GPR161: variants seen among roughly 807,000 people sequenced by gnomAD.
GPR161 encodes the protein G-protein coupled receptor RE2.
GPR161 carries 25 observed loss-of-function variants against 39.2 expected under a neutral mutation model. That is an observed-to-expected ratio of 0.64 (90% CI 0.47 to 0.89). GPR161 has a LOEUF of 0.89. GPR161 is among the 40% of genes least tolerant of loss of function. The pLI is 0.00. For synonymous variants in GPR161, 286 were observed against 276.6 expected (o/e 1.03, Z -0.34); for missense variants, 547 against 677.8 (o/e 0.81, Z 2.14).
chr1:168,104,442 A>C, intron 2 of GPR161, 35 bp downstream of exon 2: 2 of 1,556,000 alleles, frequency 1.3e-6, no homozygotes, highest in Non-Finnish European at 1.8e-6. Context: ...GCCCGTCAGT[A>C]ATCCCTCAAT....
intron 4 of GPR161, chr1:168,088,340 A>G (rs565113758): frequency 2.0e-5 from 3 of 152,434 alleles, no homozygotes; most frequent in Non-Finnish European, 2.9e-5. Context: ...CCCTTCCCCA[A>G]CACTAGGACC....
chr1:168,130,600 A>G (rs1228853010), intron 1 of GPR161, among the ~76,000 whole-genome samples: 1 of 152,158 alleles, frequency 6.6e-6, no homozygotes, highest in African/African-American at 2.4e-5. Flanking sequence ...ATATTCTACC[A>G]CTTGCAAAAG....
At chr1:168,125,732 C>T (rs1698540852) in intron 1 of GPR161, among the ~76,000 whole-genome samples, 1 of 152,000 alleles carries the variant, frequency 6.6e-6, no homozygotes, top group South Asian at 2.1e-4. Context: ...ATTCTCCTGC[C>T]TCAGCCTCCT....
At position 168,136,413 on chromosome 1, in the gene GPR161, G is replaced by A. The variant is rs1433095462; in HGVS notation, c.-45+326C>T. 16 of 1,364,360 alleles carry A rather than the reference G, an allele frequency of 1.2e-5. No individual in the cohort carries two copies. In the East Asian group the frequency reaches 2.8e-4, roughly 23 times the overall value. The allele number at this position is 1,364,360 out of a possible 1,614,324, so 84.5% of individuals were successfully genotyped here. ...CCCTCCCATCCAGCGGACTGTTTAG[G>A]GGCTTCGGGCGGCGCCGGAGAAACG... On this transcript the variant is annotated intron_variant, in intron 1 of 5. Coordinates refer to ENST00000682931, the MANE Select transcript of GPR161 (RefSeq NM_001375883.1).
intron 5 of GPR161, among the ~76,000 whole-genome samples, chr1:168,087,094 G>C (rs747763725): frequency 1.3e-5 from 2 of 152,164 alleles, no homozygotes; most frequent in African/African-American, 4.8e-5. Flanking sequence ...GGAAGATATA[G>C]AGTAGAAAAA....
chr1:168,090,495 C>G (rs76206083), intron 4 of GPR161, 69 bp downstream of exon 4: 1 of 874,452 alleles, frequency 1.1e-6, no homozygotes. Context: ...ACAGGGGAAA[C>G]GCGACACGGG....
chr1:168,137,490 C>T (rs1699472671), upstream of GPR161: 2 of 1,161,930 alleles, frequency 1.7e-6, no homozygotes, highest in Non-Finnish European at 2.5e-6. Flanking sequence ...CCGAAGCCAG[C>T]CCCGGGGAGT....
Position 168,084,868 on chromosome 1 carries a change from G to C in GPR161, c.*663C>G. The C allele has an allele frequency of 2.2e-6, 1 of 456,234 alleles. No homozygotes were observed. The highest frequency in any genetic ancestry group is 4.4e-6 in the Non-Finnish European group (1 of 226,958). 28.3% of individuals were successfully genotyped at this position (456,234 alleles called of 1,614,324 possible). On this transcript the variant is annotated 3_prime_UTR_variant, in exon 6 of 6. Transcript: ENST00000682931. ...TGAAATACCAAAGAACTTGTCAGTA[G>C]GGAAGTAGGCAGGGTGGGCCAGTCT...
intron 5 of GPR161, 118 bp from the exon 6 acceptor site, chr1:168,085,914 G>C: frequency 2.3e-6 from 2 of 854,562 alleles, no homozygotes; most frequent in Non-Finnish European, 3.5e-6. Context: ...AGTTAAGGGC[G>C]TGGGTTTCAA....
intron 1 of GPR161, among the ~76,000 whole-genome samples, chr1:168,108,486 TAA>T (rs10670498): frequency 1.4e-3 from 24 of 17,466 alleles, no homozygotes; most frequent in South Asian, 6.1e-3. Context: ...GCCCTAGTTG[TAA>T]AAAAAAAAAA....
At chr1:168,120,201 G>A (rs896414836) in intron 1 of GPR161, among the ~76,000 whole-genome samples, 1 of 152,212 alleles carries the variant, frequency 6.6e-6, no homozygotes, top group African/African-American at 2.4e-5. Flanking sequence ...GCTGCCCAAG[G>A]CTATGGGAGC....
intron 1 of GPR161, chr1:168,135,157 A>C: frequency 4.0e-6 from 5 of 1,249,822 alleles, no homozygotes; most frequent in Non-Finnish European, 5.3e-6. Flanking sequence ...GCTACAGGGC[A>C]GGGAGAAGCC....
chr1:168,085,748 G>A lies in GPR161; in HGVS notation c.1373C>T (p.Ser458Phe), dbSNP rs752000379. 1.2e-6 allele frequency: 2 copies of A among 1,613,978 alleles called. No homozygotes were observed. Among genetic ancestry groups the A allele is most frequent in the Non-Finnish European group, 1.7e-6 (2 of 1,179,938 alleles). Reference sequence around the variant, plus strand: ...CAAGCTTGCTGCGTAACTGTCCAAGGACTTGTGTACTTCAGCTTTCACATG... The same window carrying A: ...CAAGCTTGCTGCGTAACTGTCCAAGAACTTGTGTACTTCAGCTTTCACATG... ...ILHVKAEVHK[S>F]LDSYAASLAK... The change falls in exon 6 of 6, where the codon TCC becomes TTC. Residue 458 changes from serine to phenylalanine, a missense_variant. Coordinates refer to ENST00000682931, the MANE Select transcript of GPR161 (RefSeq NM_001375883.1).
intron 2 of GPR161, among the ~76,000 whole-genome samples, chr1:168,101,949 A>G (rs530155000): frequency 6.6e-6 from 1 of 151,914 alleles, no homozygotes; most frequent in African/African-American, 2.4e-5. Context: ...GATTACAGGT[A>G]CCTGCCACCA....
intron 1 of GPR161, among the ~76,000 whole-genome samples, chr1:168,107,866 G>GCACT (rs1374142037): frequency 6.6e-6 from 1 of 152,154 alleles, no homozygotes; most frequent in East Asian, 1.9e-4. Context: ...GGGGAAACAG[G>GCACT]CACTCTCCTA....
intron 1 of GPR161, among the ~76,000 whole-genome samples, chr1:168,105,562 A>C (rs1205110682): frequency 6.6e-6 from 1 of 152,234 alleles, no homozygotes; most frequent in African/African-American, 2.4e-5. Flanking sequence ...GCAGGGATTA[A>C]TCAGGTACAG....
intron 1 of GPR161, among the ~76,000 whole-genome samples, chr1:168,108,744 A>T (rs1378497118): frequency 6.6e-6 from 1 of 152,140 alleles, no homozygotes; most frequent in Non-Finnish European, 1.5e-5. Context: ...GACTGTAGAC[A>T]GAAAAAAGCC....
At chr1:168,118,326 A>C (rs974776537) in intron 1 of GPR161, among the ~76,000 whole-genome samples, 1 of 152,198 alleles carries the variant, frequency 6.6e-6, no homozygotes, top group African/African-American at 2.4e-5. Flanking sequence ...AAAACAAGCA[A>C]AGAGTTACAT....
intron 1 of GPR161, among the ~76,000 whole-genome samples, chr1:168,119,291 CAT>C: frequency 7.7e-6 from 1 of 130,340 alleles, no homozygotes; most frequent in South Asian, 2.2e-4. Flanking sequence ...TATATATACA[CAT>C]ATATACATAC....
Sources: allele counts gnomAD v4.1 joint callset (sites outside exome capture counted in the v4.1 genomes callset), GRCh38; gene constraint gnomAD v4.1.1; transcripts MANE v1.5; gene names NCBI Gene and HGNC (gene_info 2026-07-23, HGNC 2026-07-21).